The following KCNJ15 variants were observed in gnomAD, a reference collection of about 807,000 sequenced individuals.
KCNJ15 encodes potassium inwardly rectifying channel subfamily J member 15.
Under a neutral mutation model 23.0 loss-of-function variants are expected in KCNJ15, and 14 were observed. The ratio of observed to expected loss-of-function variants is 0.61; its 90% confidence interval spans 0.40 to 0.95. The LOEUF (loss-of-function observed/expected upper bound fraction) is 0.95, where lower values mean the gene tolerates loss of function less well. Ranked by LOEUF, KCNJ15 falls within the 40% of genes least tolerant of loss-of-function variation. The probability of loss-of-function intolerance (pLI) is 0.00; values close to 1 mark genes in which losing one functional copy is unlikely to be tolerated. For synonymous variants in KCNJ15, 185 were observed against 183.2 expected, an observed-to-expected ratio of 1.01 and a Z score of -0.08; for missense variants, 388 against 461.8, an observed-to-expected ratio of 0.84 and a Z score of 1.46.
intron 1 of KCNJ15, among the ~76,000 whole-genome samples, chr21:38,230,357 T>C (rs1466702414): frequency 6.6e-6 from 1 of 152,166 alleles, no homozygotes; most frequent in African/African-American, 2.4e-5. Flanking sequence ...GATCCATTAT[T>C]GTTTTTTAAA....
At chr21:38,241,967 TAAAAAA>T (rs34321677) in intron 1 of KCNJ15, among the ~76,000 whole-genome samples, 1 of 111,986 alleles carries the variant, frequency 8.9e-6, no homozygotes, top group African/African-American at 3.4e-5. Flanking sequence ...AGACTCCATC[TAAAAAA>T]AAAAAAAAAA....
chr21:38,268,598 A>G (rs976128841), intron 1 of KCNJ15, among the ~76,000 whole-genome samples: 1 of 149,746 alleles, frequency 6.7e-6, no homozygotes, highest in African/African-American at 2.5e-5. Context: ...GGAGAGTGAG[A>G]AAAAGCCCCT....
intron 1 of KCNJ15, among the ~76,000 whole-genome samples, chr21:38,262,103 T>C (rs1014832883): frequency 6.6e-6 from 1 of 152,212 alleles, no homozygotes; most frequent in African/African-American, 2.4e-5. Context: ...CAAGGTCAGC[T>C]CCCTGAATCT....
Position 38,300,467 on chromosome 21 carries a change from GA to G in KCNJ15, c.*82del. The G allele has an allele frequency of 2.3e-6, 3 of 1,318,566 alleles. No homozygotes were observed. Among genetic ancestry groups the G allele is most frequent in the Non-Finnish European group, 3.1e-6 (3 of 957,690 alleles). 81.7% of individuals were successfully genotyped at this position (1,318,566 alleles called of 1,614,324 possible). On this transcript the variant is annotated 3_prime_UTR_variant, in exon 3 of 3. Coordinates refer to ENST00000398938, the MANE Select transcript of KCNJ15 (RefSeq NM_170736.3). ...TCCCTTCAAACACAAAGATTGCTGT[GA>G]AAACGAAAATGTGTAGACGCACTCT...
At chr21:38,263,977 A>C (rs1434989869) in intron 1 of KCNJ15, among the ~76,000 whole-genome samples, 2 of 152,238 alleles carry the variant, frequency 1.3e-5, no homozygotes, top group African/African-American at 4.8e-5. Context: ...CCATTTGATT[A>C]AATCATTTAC....
chr21:38,298,458 C>A (rs1985397054), intron 2 of KCNJ15, among the ~76,000 whole-genome samples: 2 of 152,118 alleles, frequency 1.3e-5, no homozygotes. Context: ...CAAGAATAAC[C>A]AGCATATTGA....
chr21:38,254,427 TG>T (rs926209513), upstream of KCNJ15, among the ~76,000 whole-genome samples: 94 of 152,342 alleles, frequency 6.2e-4, no homozygotes, highest in Middle Eastern at 3.4e-3. Context: ...AACTTTAAAA[TG>T]TATTTCTACT....
chr21:38,290,818 C>T (rs1442974190), intron 1 of KCNJ15, among the ~76,000 whole-genome samples: 2 of 152,072 alleles, frequency 1.3e-5, no homozygotes, highest in Admixed American at 6.5e-5. Flanking sequence ...GAGATACCTA[C>T]CCGTAAAATG....
chr21:38,276,396 CT>C (rs1278474553), intron 1 of KCNJ15, among the ~76,000 whole-genome samples: 1 of 152,022 alleles, frequency 6.6e-6, no homozygotes. Flanking sequence ...GTTCACAGAA[CT>C]ATGTCATAAT....
At chr21:38,234,422 C>T (rs540049989) in intron 1 of KCNJ15, among the ~76,000 whole-genome samples, 2 of 152,300 alleles carry the variant, frequency 1.3e-5, no homozygotes, top group South Asian at 4.1e-4. Flanking sequence ...TTACTTACTG[C>T]AGCCCTGGGT....
chr21:38,243,675 G>A (rs1180274448), intron 1 of KCNJ15, among the ~76,000 whole-genome samples: 1 of 152,206 alleles, frequency 6.6e-6, no homozygotes, highest in African/African-American at 2.4e-5. Flanking sequence ...GCCCGCCTCG[G>A]CCTTCCAAAG....
chr21:38,245,649 G>C (rs28669832), intron 1 of KCNJ15, among the ~76,000 whole-genome samples: 1 of 150,388 alleles, frequency 6.6e-6, no homozygotes. Flanking sequence ...GGGAAAGAGA[G>C]ACAGAGAAAG....
intron 1 of KCNJ15, among the ~76,000 whole-genome samples, chr21:38,275,737 G>T (rs545990155): frequency 6.6e-6 from 1 of 152,058 alleles, no homozygotes; most frequent in Non-Finnish European, 1.5e-5. Flanking sequence ...GTTGAAAGTC[G>T]CTGATAATTG....
At chr21:38,241,967 TAAA>T (rs34321677) in intron 1 of KCNJ15, among the ~76,000 whole-genome samples, 6 of 111,974 alleles carry the variant, frequency 5.4e-5, no homozygotes, top group Admixed American at 9.3e-5. Context: ...AGACTCCATC[TAAA>T]AAAAAAAAAA....
At chr21:38,276,465 A>AGGTGG (rs1982710414) in intron 1 of KCNJ15, among the ~76,000 whole-genome samples, 1 of 152,094 alleles carries the variant, frequency 6.6e-6, no homozygotes, top group Admixed American at 6.5e-5. Flanking sequence ...TCTATGTTTT[A>AGGTGG]TTTAAAATGG....
chr21:38,279,430 C>T (rs566322700), intron 1 of KCNJ15, among the ~76,000 whole-genome samples: 1 of 152,214 alleles, frequency 6.6e-6, no homozygotes, highest in East Asian at 1.9e-4. Flanking sequence ...GAGAAAATGC[C>T]ACTTCAAGAT....
intron 1 of KCNJ15, among the ~76,000 whole-genome samples, chr21:38,238,971 T>A (rs1978810821): frequency 6.6e-6 from 1 of 152,242 alleles, no homozygotes; most frequent in South Asian, 2.1e-4. Context: ...GATCTGCAAG[T>A]TAAAGCCCTA....
At chr21:38,295,887 A>G (rs550869081) in intron 1 of KCNJ15, among the ~76,000 whole-genome samples, 11 of 152,350 alleles carry the variant, frequency 7.2e-5, no homozygotes, top group Admixed American at 6.5e-4. Context: ...TAATAGAGCA[A>G]TGACAAAGAG....
At chr21:38,263,090 T>G (rs556971747) in intron 1 of KCNJ15, among the ~76,000 whole-genome samples, 113 of 152,302 alleles carry the variant, frequency 7.4e-4, no homozygotes, top group African/African-American at 2.4e-3. Context: ...CTCAGGGTCT[T>G]GGTTCCTAGG....
Sources: allele counts gnomAD v4.1 joint callset (sites outside exome capture counted in the v4.1 genomes callset), GRCh38; gene constraint gnomAD v4.1.1; transcripts MANE v1.5; gene names NCBI Gene and HGNC (gene_info 2026-07-23, HGNC 2026-07-21).